Variants in TSNARE1 observed in about 807,000 individuals in gnomAD.
The protein encoded by TSNARE1 is t-SNARE domain-containing protein 1.
In TSNARE1, 49 loss-of-function variants were observed where a neutral mutation model predicts 62.0. The observed-to-expected ratio is 0.79, with a 90% confidence interval of 0.63 to 1.00. The LOEUF (loss-of-function observed/expected upper bound fraction) is 1.00. Among genes scored for constraint, TSNARE1 ranks in the 50% least tolerant of loss-of-function variants. The pLI, the probability that TSNARE1 is intolerant of heterozygous loss-of-function variation, is 0.00. For missense variants in TSNARE1, 755 were observed against 700.1 expected (o/e 1.08, Z -0.88); for synonymous variants, 328 against 294.4 (o/e 1.11, Z -1.17).
chr8:142,354,594 C>T, intron 2 of TSNARE1, 43 bp downstream of exon 2: 1 of 1,412,058 alleles, frequency 7.1e-7, no homozygotes, highest in Non-Finnish European at 9.9e-7. Flanking sequence ...CTACCCACTA[C>T]CATCCCCTCC....
intron 12 of TSNARE1, among the ~76,000 whole-genome samples, chr8:142,266,994 T>A (rs761644685): frequency 6.6e-6 from 1 of 152,252 alleles, no homozygotes; most frequent in African/African-American, 2.4e-5. Flanking sequence ...AAAGCCATAC[T>A]GATATTTCAC....
At chr8:142,227,211 C>A (rs1404593017) in intron 13 of TSNARE1, among the ~76,000 whole-genome samples, 1 of 150,338 alleles carries the variant, frequency 6.7e-6, no homozygotes, top group African/African-American at 2.4e-5. Context: ...ACTGCATCCA[C>A]AACCCTAGTG....
rs372773185 is a variant in TSNARE1, at chr8:142,369,241, AGC to A, written c.-39-14480_-39-14479del. ...CACCCACCCACCTTGAACCCAAAGT[AGC>A]TCCAGAGGAATCTGCAGCCAGGTCA... On this transcript the variant is annotated intron_variant, in intron 1 of 13. Transcript: ENST00000524325. Among the ~76,000 whole-genome samples, 630 of 152,340 alleles carry A rather than the reference AGC, an allele frequency of 4.1e-3. 3 individuals carry two copies. Among genetic ancestry groups the A allele is most frequent in the African/African-American group, 0.014 (599 of 41,588 alleles).
chr8:142,291,960 C>G lies in TSNARE1; in HGVS notation c.1291-7475G>C, dbSNP rs1271107859. Among the ~76,000 whole-genome samples, 11 of 151,678 alleles carry G rather than the reference C, an allele frequency of 7.3e-5. No homozygotes were observed. The highest frequency in any genetic ancestry group is 2.7e-4 in the African/African-American group (11 of 41,186). ...TCCCGTGGACGGTCACAGCAACGCA[C>G]GCCCCCCCCGGCCCCCCACCTGTTT... On this transcript the variant is annotated intron_variant, in intron 10 of 13. Transcript: ENST00000524325. The surrounding 1 kb of genome is among the most constrained non-coding windows in gnomAD (Gnocchi z 4.8).
rs974413046 is a variant in TSNARE1 at position 142,236,412 on chromosome 8, C to T, written c.1447-6833G>A. 1.2e-4 allele frequency among the ~76,000 whole-genome samples: 18 copies of T among 152,022 alleles called. 1 individual carries two copies. The East Asian group carries it at 3.3e-3, about 28-fold the overall frequency. ...GGACTCTCACCCGAGGTGGCGTGAC[C>T]GTCCCCACCCTCCTTCCTGCACCAA... On this transcript the variant is annotated intron_variant, in intron 12 of 13. Transcript: ENST00000524325.
intron 11 of TSNARE1, chr8:142,278,424 T>G: frequency 1.0e-6 from 1 of 985,472 alleles, no homozygotes; most frequent in Non-Finnish European, 1.2e-6. Context: ...GAGCTGGTCC[T>G]GCTTCCGGGG....
Position 142,264,226 on chromosome 8 carries a change from T to C in TSNARE1, c.1446+10555A>G, listed in dbSNP as rs562049948. Among the ~76,000 whole-genome samples, 26 of 152,342 alleles carry C rather than the reference T, an allele frequency of 1.7e-4. 2 individuals are homozygous for C. The highest frequency in any genetic ancestry group is 5.8e-4 in the African/African-American group (24 of 41,582). ...TGTTTTAAAATTTCCAAACATACAA[T>C]GACCTTTTTATTTTTTGCCACCAAT... On this transcript the variant is annotated intron_variant, in intron 12 of 13. Coordinates refer to ENST00000524325, the MANE Select transcript of TSNARE1 (RefSeq NM_145003.5).
intron 12 of TSNARE1, chr8:142,271,720 C>T: frequency 7.5e-7 from 1 of 1,339,888 alleles, no homozygotes; most frequent in Non-Finnish European, 9.6e-7. Context: ...AAAATGTCAG[C>T]CTGCACACCC....
chr8:142,365,866 T>C (rs1243032083), intron 1 of TSNARE1: 1 of 440,516 alleles, frequency 2.3e-6, no homozygotes, highest in Non-Finnish European at 4.5e-6. Flanking sequence ...TGCAAAACAT[T>C]ACTAAAAGAA....
rs892109001 is a variant in TSNARE1 at position 142,365,218 on chromosome 8, A to T, written c.-39-10455T>A. Among the ~76,000 whole-genome samples the T allele has an allele frequency of 5.3e-5, 8 of 152,344 alleles. No homozygotes were observed. The South Asian group carries it at 1.4e-3, about 28-fold the overall frequency. ...ATGATCTCCCTGCCCAAAGTGTGTG[A>T]CTGTGAGAAACAGCAGAGACACTCA... is the stretch of plus-strand genomic sequence containing the variant. On this transcript the variant is annotated intron_variant, in intron 1 of 13. Transcript: ENST00000524325.
chr8:142,261,051 A>AGAGAGGGAGGGAGGG (rs1563786836), intron 12 of TSNARE1, among the ~76,000 whole-genome samples: 1 of 10,338 alleles, frequency 9.7e-5, no homozygotes, highest in Non-Finnish European at 1.7e-4. Flanking sequence ...GGGAGGAAGG[A>AGAGAGGGAGGGAGGG]AAGAGGGAAG....
chr8:142,378,604 G>A (rs1302038458), intron 1 of TSNARE1, among the ~76,000 whole-genome samples: 1 of 152,210 alleles, frequency 6.6e-6, no homozygotes. Context: ...CCACCGCTCA[G>A]GGTAAGAAGC....
At chr8:142,266,610 C>G (rs1418408062) in intron 12 of TSNARE1, among the ~76,000 whole-genome samples, 2 of 152,334 alleles carry the variant, frequency 1.3e-5, no homozygotes, top group East Asian at 3.9e-4. Flanking sequence ...CATCACTTCT[C>G]CCTTCTTTCA....
At chr8:142,224,201 G>A (rs901518790) in intron 13 of TSNARE1, among the ~76,000 whole-genome samples, 34 of 152,348 alleles carry the variant, frequency 2.2e-4, no homozygotes, top group Admixed American at 1.8e-3. Context: ...GCCTGGGCGG[G>A]GTGGCTGGTG....
intron 11 of TSNARE1, chr8:142,276,729 C>T (rs1015791222): frequency 2.6e-5 from 26 of 985,398 alleles, no homozygotes; most frequent in South Asian, 4.7e-5. Context: ...GGACTCTGAT[C>T]GTAGTGTGTG....
chr8:142,244,712 C>A (rs564219778), intron 12 of TSNARE1, among the ~76,000 whole-genome samples: 13 of 152,234 alleles, frequency 8.5e-5, no homozygotes, highest in Non-Finnish European at 1.8e-4. Context: ...TCTCATCGTT[C>A]CATACGGAAG....
chr8:142,327,486 C>T (rs1270553548), intron 6 of TSNARE1, among the ~76,000 whole-genome samples: 1 of 152,196 alleles, frequency 6.6e-6, no homozygotes, highest in Non-Finnish European at 1.5e-5. Flanking sequence ...TGCAATTCTG[C>T]ACCAGCTGGC....
intron 11 of TSNARE1, among the ~76,000 whole-genome samples, chr8:142,282,871 G>C (rs1821852805): frequency 7.1e-6 from 1 of 141,200 alleles, no homozygotes; most frequent in African/African-American, 2.7e-5. Flanking sequence ...GAGCAGAGGG[G>C]AGGCCACTGT....
At chr8:142,222,233 C>CTAAT (rs1445026345) in intron 13 of TSNARE1, among the ~76,000 whole-genome samples, 3,123 of 47,962 alleles carry the variant, frequency 0.065, 243 homozygotes, top group Admixed American at 0.084. Context: ...CACTCATCCA[C>CTAAT]TCATTCACTC....
Sources: gnomAD v4.1 joint callset for allele counts (sites outside exome capture counted in the v4.1 genomes callset) on GRCh38, gnomAD v4.1.1 for gene constraint, Gnocchi (gnomAD v3.1) non-coding constraint, MANE v1.5 for transcripts, NCBI Gene and HGNC (gene_info 2026-07-23, HGNC 2026-07-21) for gene names.